The following FRMD4A variants were observed in gnomAD, a reference collection of about 807,000 sequenced individuals.
FRMD4A encodes FERM domain-containing protein 4A.
FRMD4A carries 29 observed loss-of-function variants against 129.1 expected under a neutral mutation model. The observed-to-expected ratio is 0.22, with a 90% CI of 0.17 to 0.31. The LOEUF (loss-of-function observed/expected upper bound fraction) is 0.31, where lower values mean the gene tolerates loss of function less well. Ranked by LOEUF, FRMD4A falls within the 10% of genes least tolerant of loss-of-function variation. The pLI is 1.00. For missense variants in FRMD4A, 1,272 were observed against 1,375.8 expected (o/e 0.92, Z 1.19); for synonymous variants, 634 against 571.6 (o/e 1.11, Z -1.56).
intron 2 of FRMD4A, among the ~76,000 whole-genome samples, chr10:13,907,366 G>A (rs2094892619): frequency 6.6e-6 from 1 of 152,116 alleles, no homozygotes; most frequent in South Asian, 2.1e-4. Context: ...CTGCACAGCA[G>A]GTCTTGTTAA....
intron 2 of FRMD4A, among the ~76,000 whole-genome samples, chr10:13,946,221 ACT>A (rs1288561965): frequency 6.6e-6 from 1 of 152,116 alleles, no homozygotes; most frequent in East Asian, 1.9e-4. Context: ...AGGAGAATGA[ACT>A]CTGCTGGACT....
intron 2 of FRMD4A, among the ~76,000 whole-genome samples, chr10:14,239,402 C>A (rs11258969): frequency 0.089 from 13,523 of 152,050 alleles, 788 homozygotes; most frequent in Middle Eastern, 0.13. Context: ...CCGAGGCGGG[C>A]GGATCAGGAG....
At chr10:14,216,126 T>C (rs1322525852) in intron 2 of FRMD4A, among the ~76,000 whole-genome samples, 1 of 152,128 alleles carries the variant, frequency 6.6e-6, no homozygotes, top group African/African-American at 2.4e-5. Flanking sequence ...CCCACCAGCT[T>C]TGTACAAACT....
rs576428232 is a variant in FRMD4A at position 13,798,586 on chromosome 10, A to G, written c.207-1998T>C. Among the ~76,000 whole-genome samples the G allele has an allele frequency of 1.1e-3, 167 of 152,234 alleles. 1 individual carries two copies. Among genetic ancestry groups the G allele is most frequent in the African/African-American group, 3.2e-3 (132 of 41,548 alleles). ...CGAAAAATTAGCCGGGCATAGTGGCAGGCGCCTGTAGTCCCAGCTACTCAG... is the reference window on the plus strand; with the variant it reads ...CGAAAAATTAGCCGGGCATAGTGGCGGGCGCCTGTAGTCCCAGCTACTCAG... On this transcript the variant is annotated intron_variant, in intron 4 of 24. Coordinates refer to ENST00000357447, the MANE Select transcript of FRMD4A (RefSeq NM_018027.5).
chr10:13,722,984 A>T (rs1181480724), intron 12 of FRMD4A, among the ~76,000 whole-genome samples: 2 of 151,462 alleles, frequency 1.3e-5, no homozygotes, highest in African/African-American at 2.4e-5. Flanking sequence ...CTGCTTAGCT[A>T]CATCCCTATG....
At chr10:14,188,187 C>G (rs942366627) in intron 2 of FRMD4A, among the ~76,000 whole-genome samples, 1 of 152,090 alleles carries the variant, frequency 6.6e-6, no homozygotes, top group Non-Finnish European at 1.5e-5. Flanking sequence ...CACAAAATGC[C>G]TGGAATCAAA....
At chr10:13,696,881 A>G (rs1321693802) in intron 14 of FRMD4A, among the ~76,000 whole-genome samples, 2 of 152,224 alleles carry the variant, frequency 1.3e-5, no homozygotes, top group African/African-American at 2.4e-5. Flanking sequence ...CAGAGTTGTG[A>G]TAACTAAAGT....
chr10:13,835,640 G>A (rs962632122), intron 3 of FRMD4A, among the ~76,000 whole-genome samples: 4 of 152,126 alleles, frequency 2.6e-5, no homozygotes, highest in African/African-American at 9.7e-5. Flanking sequence ...GCTCCATCAG[G>A]TGTCTAATGC....
Position 13,944,608 on chromosome 10 carries a change from G to C in FRMD4A, c.46-85696C>G, listed in dbSNP as rs889552869. 3.9e-5 allele frequency among the ~76,000 whole-genome samples: 6 copies of C among 152,050 alleles called. No individual in the cohort carries two copies. The South Asian group carries it at 1.2e-3, about 32-fold the overall frequency. ...TGCCAAAAAAGTTGGGGACCACTGG[G>C]ACCATACACCCTTCAACAGAACATG... On this transcript the variant is annotated intron_variant, in intron 2 of 24. Coordinates refer to ENST00000357447, the MANE Select transcript of FRMD4A (RefSeq NM_018027.5).
intron 2 of FRMD4A, among the ~76,000 whole-genome samples, chr10:14,300,379 C>G (rs1846145961): frequency 6.6e-6 from 1 of 152,158 alleles, no homozygotes; most frequent in Admixed American, 6.5e-5. Context: ...TATTCACTTG[C>G]CCAAGGTCAC....
intron 2 of FRMD4A, among the ~76,000 whole-genome samples, chr10:13,862,496 T>C (rs751645984): frequency 3.9e-5 from 6 of 152,186 alleles, no homozygotes; most frequent in Non-Finnish European, 7.3e-5. Context: ...TTTAAGGAAG[T>C]AACTATTTAT....
At chr10:14,016,799 C>A (rs1414800314) in intron 2 of FRMD4A, among the ~76,000 whole-genome samples, 1 of 152,226 alleles carries the variant, frequency 6.6e-6, no homozygotes, top group Non-Finnish European at 1.5e-5. Context: ...CAGGATCTCA[C>A]TCGATCTTTC....
chr10:13,822,290 A>G (rs2093641077), intron 3 of FRMD4A, among the ~76,000 whole-genome samples: 1 of 152,238 alleles, frequency 6.6e-6, no homozygotes, highest in Non-Finnish European at 1.5e-5. Flanking sequence ...ACCACGATGT[A>G]CAATAGATCT....
chr10:13,992,355 A>T (rs2095606228), intron 2 of FRMD4A, among the ~76,000 whole-genome samples: 2 of 152,132 alleles, frequency 1.3e-5, no homozygotes, highest in Non-Finnish European at 2.9e-5. Flanking sequence ...TATTTGACAC[A>T]TCTAACCGGA....
chr10:13,849,178 T>C lies in FRMD4A; in HGVS notation c.111+9669A>G, dbSNP rs555677206. ...TTGGCTCTTGTTTCAGGAGGTGGCC[T>C]GGTGGCCTGGGAGGTCCCGGACAGA... On this transcript the variant is annotated intron_variant, in intron 3 of 24. Transcript: ENST00000357447. Among the ~76,000 whole-genome samples the C allele has an allele frequency of 2.6e-5, 4 of 152,326 alleles. No individual in the cohort carries two copies. The East Asian group carries it at 7.7e-4, about 29-fold the overall frequency.
At chr10:14,125,714 C>A (rs1266602733) in intron 2 of FRMD4A, among the ~76,000 whole-genome samples, 1 of 150,330 alleles carries the variant, frequency 6.7e-6, no homozygotes. Flanking sequence ...CTCTCTCTCT[C>A]ACACACAGAC....
chr10:14,010,631 T>C (rs1411620506), intron 2 of FRMD4A, among the ~76,000 whole-genome samples: 1 of 150,442 alleles, frequency 6.6e-6, no homozygotes, highest in Admixed American at 6.6e-5. Flanking sequence ...TGTCGGAGAC[T>C]TACATATTCA....
chr10:14,214,686 A>AT (rs1426184441), intron 2 of FRMD4A, among the ~76,000 whole-genome samples: 5 of 152,144 alleles, frequency 3.3e-5, no homozygotes, highest in Non-Finnish European at 2.9e-5. Flanking sequence ...TTATAGTCCT[A>AT]TTTTCTATAG....
At chr10:14,221,103 G>C (rs896003612) in intron 2 of FRMD4A, among the ~76,000 whole-genome samples, 1 of 152,192 alleles carries the variant, frequency 6.6e-6, no homozygotes, top group Non-Finnish European at 1.5e-5. Flanking sequence ...GCAGCGAATG[G>C]TGGCAAGACT....
Sources: gnomAD v4.1 joint callset for allele counts (sites outside exome capture counted in the v4.1 genomes callset) on GRCh38, gnomAD v4.1.1 for gene constraint, MANE v1.5 for transcripts, NCBI Gene and HGNC (gene_info 2026-07-23, HGNC 2026-07-21) for gene names.